MEIS2: variants seen among roughly 807,000 people sequenced by gnomAD.
MEIS2 encodes the protein homeobox protein Meis2.
A neutral mutation model predicts 58.6 loss-of-function variants in MEIS2; 9 were observed. That is an observed-to-expected ratio of 0.15 (90% confidence interval 0.09 to 0.27). The LOEUF (loss-of-function observed/expected upper bound fraction) is 0.27, where lower values mean the gene tolerates loss of function less well. Ranked by LOEUF, MEIS2 falls within the 10% of genes least tolerant of loss-of-function variation. The probability of loss-of-function intolerance (pLI) is 1.00; values close to 1 mark genes in which losing one functional copy is unlikely to be tolerated. For synonymous variants in MEIS2, 221 were observed against 228.4 expected, an observed-to-expected ratio of 0.97 and a Z score of 0.29; for missense variants, 427 against 635.0, an observed-to-expected ratio of 0.67 and a Z score of 3.52.
intron 3 of MEIS2, 104 bp downstream of exon 3, chr15:37,096,185 C>T: frequency 7.7e-7 from 1 of 1,300,042 alleles, no homozygotes; most frequent in Non-Finnish European, 1.0e-6. Flanking sequence ...GCCAGAGGAA[C>T]AGATAGGGTG....
chr15:36,958,535 A>G (rs2059070017), intron 8 of MEIS2, among the ~76,000 whole-genome samples: 1 of 152,322 alleles, frequency 6.6e-6, no homozygotes, highest in East Asian at 1.9e-4. Flanking sequence ...GTCCGATACC[A>G]CCAACACTCA....
intron 8 of MEIS2, among the ~76,000 whole-genome samples, chr15:36,976,382 C>A (rs143464591): frequency 2.6e-5 from 4 of 151,658 alleles, no homozygotes; most frequent in African/African-American, 9.7e-5. Context: ...CCGCGCCTGG[C>A]CTATAAAGAG....
At chr15:37,019,626 T>C (rs1220661728) in intron 8 of MEIS2, among the ~76,000 whole-genome samples, 1 of 152,068 alleles carries the variant, frequency 6.6e-6, no homozygotes, top group East Asian at 1.9e-4. Context: ...AAGCAAAATA[T>C]CTGGTTTGTG....
intron 8 of MEIS2, among the ~76,000 whole-genome samples, chr15:36,965,298 G>A (rs2059317530): frequency 6.6e-6 from 1 of 152,098 alleles, no homozygotes; most frequent in South Asian, 2.1e-4. Flanking sequence ...CCAACTCAAG[G>A]CAAGCAAGGT....
chr15:36,898,410 C>A (rs534875392), intron 9 of MEIS2: 29 of 152,352 alleles, frequency 1.9e-4, no homozygotes, highest in African/African-American at 6.5e-4. Flanking sequence ...AGGCTCTTCT[C>A]CTTGAAGTTT....
At chr15:36,929,394 C>A (rs1341723030) in intron 9 of MEIS2, among the ~76,000 whole-genome samples, 1 of 152,192 alleles carries the variant, frequency 6.6e-6, no homozygotes, top group Non-Finnish European at 1.5e-5. Context: ...GTGCATGCAA[C>A]TATTTTTCTC....
At chr15:37,036,668 A>G in intron 8 of MEIS2, 146 bp downstream of exon 8, 1 of 902,986 alleles carries the variant, frequency 1.1e-6, no homozygotes, top group Non-Finnish European at 1.6e-6. Flanking sequence ...TTGATGAAAA[A>G]AAAAACTTTA....
rs77142827 is a variant in MEIS2 at position 36,946,873 on chromosome 15, T to C, written c.977+3451A>G. On this transcript the variant is annotated intron_variant, in intron 9 of 11. Coordinates refer to ENST00000561208, the MANE Select transcript of MEIS2 (RefSeq NM_170675.5). ...CGGTCTGATTCCTGAGCCTGACTGCTTACCCATCATGCTATATTACCTTTA... is the reference window on the plus strand; with the variant it reads ...CGGTCTGATTCCTGAGCCTGACTGCCTACCCATCATGCTATATTACCTTTA... 7.3e-3 allele frequency among the ~76,000 whole-genome samples: 1,111 copies of C among 152,136 alleles called. 15 individuals carry two copies. Among genetic ancestry groups the C allele is most frequent in the African/African-American group, 0.025 (1,048 of 41,546 alleles).
At chr15:37,085,508 G>C (rs1364926683) in intron 6 of MEIS2, among the ~76,000 whole-genome samples, 1 of 152,104 alleles carries the variant, frequency 6.6e-6, no homozygotes, top group African/African-American at 2.4e-5. Flanking sequence ...GCAGCAAACT[G>C]ACTGTGAATT....
intron 9 of MEIS2, among the ~76,000 whole-genome samples, chr15:36,942,971 C>T (rs1032398719): frequency 1.3e-5 from 2 of 151,914 alleles, no homozygotes; most frequent in Admixed American, 6.6e-5. Flanking sequence ...TTTACAAGCC[C>T]CCTTTCTATT....
intron 7 of MEIS2, among the ~76,000 whole-genome samples, chr15:37,076,872 T>C (rs1021557230): frequency 1.3e-5 from 2 of 152,052 alleles, no homozygotes; most frequent in African/African-American, 4.8e-5. Context: ...TTGTTATAAA[T>C]ATACATATAT....
chr15:36,973,075 G>T (rs7183465), intron 8 of MEIS2, among the ~76,000 whole-genome samples: 2 of 152,008 alleles, frequency 1.3e-5, no homozygotes, highest in South Asian at 2.1e-4. Context: ...CTTGGCCATC[G>T]GAAACTAAAG....
At chr15:37,004,295 G>A (rs998204079) in intron 8 of MEIS2, among the ~76,000 whole-genome samples, 1 of 152,180 alleles carries the variant, frequency 6.6e-6, no homozygotes, top group Admixed American at 6.5e-5. Flanking sequence ...CAGAGAGCAC[G>A]TGAACTTGAT....
chr15:37,062,511 A>G (rs1174416065), intron 7 of MEIS2, among the ~76,000 whole-genome samples: 1 of 152,240 alleles, frequency 6.6e-6, no homozygotes. Flanking sequence ...TTCACAAAGA[A>G]GACGGAAACG....
intron 8 of MEIS2, among the ~76,000 whole-genome samples, chr15:36,978,233 T>A (rs780343334): frequency 5.3e-5 from 8 of 152,248 alleles, no homozygotes; most frequent in African/African-American, 1.9e-4. Context: ...ACAATAAGGA[T>A]TAACCTTTTG....
chr15:36,944,298 T>G (rs2058479423), intron 9 of MEIS2, among the ~76,000 whole-genome samples: 1 of 152,116 alleles, frequency 6.6e-6, no homozygotes, highest in Admixed American at 6.6e-5. Context: ...TTTCCCCGCC[T>G]TCTTTTGGTT....
chr15:36,892,153 T>G lies in MEIS2; in HGVS notation c.*20A>C. On this transcript the variant is annotated 3_prime_UTR_variant, in exon 12 of 12. Transcript: ENST00000561208. Reference sequence around the variant, plus strand: ...AAATAGTTTTTGCGTGTGTTTCCTTTTCCCTTGAGTTCCCTTATACTATTG... The same window carrying G: ...AAATAGTTTTTGCGTGTGTTTCCTTGTCCCTTGAGTTCCCTTATACTATTG... The G allele has an allele frequency of 1.2e-6, 2 of 1,612,474 alleles. No homozygotes were observed. The highest frequency in any genetic ancestry group is 1.7e-6 in the Non-Finnish European group (2 of 1,179,174).
chr15:37,017,999 TAAG>T (rs1033455751), intron 8 of MEIS2, among the ~76,000 whole-genome samples: 1 of 152,192 alleles, frequency 6.6e-6, no homozygotes, highest in African/African-American at 2.4e-5. Context: ...GGCAATGTGG[TAAG>T]TGCCTGGCCC....
intron 8 of MEIS2, among the ~76,000 whole-genome samples, chr15:36,962,458 A>G (rs942226989): frequency 3.9e-5 from 6 of 152,212 alleles, no homozygotes; most frequent in African/African-American, 7.2e-5. Context: ...TATACTTTAA[A>G]TGATCTCTAG....
Sources: allele counts gnomAD v4.1 joint callset (sites outside exome capture counted in the v4.1 genomes callset), GRCh38; gene constraint gnomAD v4.1.1; transcripts MANE v1.5; gene names NCBI Gene and HGNC (gene_info 2026-07-23, HGNC 2026-07-21).